FOXK1: variants seen among roughly 807,000 people sequenced by gnomAD.
FOXK1 encodes the protein forkhead box K1.
FOXK1 carries 19 observed loss-of-function variants against 51.9 expected under a neutral mutation model. The observed-to-expected ratio is 0.37, with a 90% CI of 0.26 to 0.54. FOXK1 has a LOEUF of 0.54. Ranked by LOEUF, FOXK1 falls within the 20% of genes least tolerant of loss-of-function variation. FOXK1 has a pLI of 0.87. For synonymous variants in FOXK1, 537 were observed against 482.6 expected, an observed-to-expected ratio of 1.11 and a Z score of -1.48; for missense variants, 870 against 1,032.7, an observed-to-expected ratio of 0.84 and a Z score of 2.16.
chr7:4,724,851 G>T (rs1454395836), intron 1 of FOXK1, among the ~76,000 whole-genome samples: 1 of 152,236 alleles, frequency 6.6e-6, no homozygotes, highest in African/African-American at 2.4e-5. Context: ...CCTCTTCTGA[G>T]ACTCCCACGA....
Position 4,755,175 on chromosome 7 carries a change from G to GT in FOXK1, c.904-61dup. On this transcript the variant is annotated intron_variant, in intron 3 of 8. Transcript: ENST00000328914. The surrounding 1 kb of genome is among the most constrained non-coding windows in gnomAD (Gnocchi z 6.6). The stretch of plus-strand genomic sequence containing the variant: ...GGTTCCTCCCCATCAGCTGTGACGG[G>GT]TGGGTGGGGTAGACTCAGGGACCTT... The GT allele has an allele frequency of 6.3e-7, 1 of 1,585,544 alleles. No homozygotes were observed. The highest frequency in any genetic ancestry group is 8.6e-7 in the Non-Finnish European group (1 of 1,161,540).
Position 4,745,420 on chromosome 7 carries a change from G to A in FOXK1, c.746+4397G>A, listed in dbSNP as rs1021429138. 1.3e-5 allele frequency among the ~76,000 whole-genome samples: 2 copies of A among 152,030 alleles called. No individual in the cohort carries two copies. The highest frequency in any genetic ancestry group is 4.8e-5 in the African/African-American group (2 of 41,398). On this transcript the variant is annotated intron_variant, in intron 2 of 8. Coordinates refer to ENST00000328914, the MANE Select transcript of FOXK1 (RefSeq NM_001037165.2). The surrounding 1 kb of genome is among the most constrained non-coding windows in gnomAD (Gnocchi z 4.3). ...GCGTCCTTCCTTTCCGTTTCTCGCA[G>A]GCCCTCGCTCCTTTTCCCAGGGTGG...
rs970542634 is a variant in FOXK1 at position 4,734,314 on chromosome 7, T to C, written c.561-6524T>C. Among the ~76,000 whole-genome samples the C allele has an allele frequency of 6.6e-6, 1 of 152,178 alleles. No homozygotes were observed. The highest frequency in any genetic ancestry group is 2.4e-5 in the African/African-American group (1 of 41,448). ...ATCCAGCCTCTTCCTTTTGATGTTT[T>C]CTGAGTCACTTTAAACTGTGCAAGA... is the stretch of plus-strand genomic sequence containing the variant. On this transcript the variant is annotated intron_variant, in intron 1 of 8. Coordinates refer to ENST00000328914, the MANE Select transcript of FOXK1 (RefSeq NM_001037165.2). This position sits in a 1 kb window ranked among gnomAD's most constrained non-coding sequence, Gnocchi z 5.2.
At chr7:4,754,788 C>T (rs568683284) in intron 3 of FOXK1, 173 bp downstream of exon 3, 35 of 840,142 alleles carry the variant, frequency 4.2e-5, no homozygotes, top group Admixed American at 5.8e-5. Flanking sequence ...TTCTCGTTTT[C>T]GTGCCCAAAT....
intron 1 of FOXK1, among the ~76,000 whole-genome samples, chr7:4,720,502 T>G (rs561686020): frequency 3.9e-5 from 6 of 152,302 alleles, no homozygotes; most frequent in Admixed American, 1.3e-4. Flanking sequence ...CATTGAGGTT[T>G]CATTTCAGCT....
chr7:4,759,536 CG>C lies in FOXK1; in HGVS notation c.1643del (p.Gly548AlafsTer63). 5 of 1,558,382 alleles carry C rather than the reference CG, an allele frequency of 3.2e-6. No homozygotes were observed. The highest frequency in any genetic ancestry group is 8.6e-7 in the Non-Finnish European group (1 of 1,158,386). On this transcript the variant is annotated frameshift_variant, in exon 7 of 9. Transcript: ENST00000328914. LOFTEE classifies it high-confidence loss of function. The stretch of plus-strand genomic sequence containing the variant: ...TACATCCTCACCAGCCAGGGCGCGG[CG>C]GGGGGCTCCCATGATGCGGCGGGCG... ...NGYILTSQGA[A>X]GGSHDAAGAA...
At position 4,770,522 on chromosome 7, in the gene FOXK1, C is replaced by T. The variant is rs1002963308; in HGVS notation, c.*8058C>T. ...CTCCAGCCTGGGCAACAGAGGGAGACTCTGTCTCAAAAATAATAATCAAAT... is the reference window on the plus strand; with the variant it reads ...CTCCAGCCTGGGCAACAGAGGGAGATTCTGTCTCAAAAATAATAATCAAAT... On this transcript the variant is annotated 3_prime_UTR_variant, in exon 9 of 9. Transcript: ENST00000328914. 3.9e-5 allele frequency: 6 copies of T among 152,042 alleles called. No homozygotes were observed. The highest frequency in any genetic ancestry group is 5.9e-5 in the Non-Finnish European group (4 of 67,976). 9.4% of individuals were successfully genotyped at this position (152,042 alleles called of 1,614,324 possible).
chr7:4,732,375 C>G (rs1780489506), intron 1 of FOXK1, among the ~76,000 whole-genome samples: 1 of 152,226 alleles, frequency 6.6e-6, no homozygotes, highest in African/African-American at 2.4e-5. Context: ...CCACTGCGGC[C>G]TCCGCTGCCC....
chr7:4,687,722 A>G (rs141738428), intron 1 of FOXK1, among the ~76,000 whole-genome samples: 1 of 152,250 alleles, frequency 6.6e-6, no homozygotes, highest in African/African-American at 2.4e-5. Context: ...CTTTCTCTAA[A>G]GCCTTTTCGC....
At position 4,682,905 on chromosome 7, in the gene FOXK1, G is replaced by A. The variant is rs766023068; in HGVS notation, c.560+37G>A. The A allele has an allele frequency of 1.6e-5, 23 of 1,424,616 alleles. No homozygotes were observed. The highest frequency in any genetic ancestry group is 2.1e-5 in the Non-Finnish European group (23 of 1,086,536). 88.2% of individuals were successfully genotyped at this position (1,424,616 alleles called of 1,614,324 possible). A position where few individuals can be genotyped will look rare whatever the true frequency, so the allele number is the denominator to read the frequency against. On this transcript the variant is annotated intron_variant, in intron 1 of 8. Coordinates refer to ENST00000328914, the MANE Select transcript of FOXK1 (RefSeq NM_001037165.2). The surrounding 1 kb of genome is among the most constrained non-coding windows in gnomAD (Gnocchi z 7.6). ...CGCGACCCCCGCCGCCCGCACCCGGGGCTCGCCCACGACCTCGATCTCTGA... is the reference window on the plus strand; with the variant it reads ...CGCGACCCCCGCCGCCCGCACCCGGAGCTCGCCCACGACCTCGATCTCTGA...
At chr7:4,688,125 A>G (rs1189097676) in intron 1 of FOXK1, among the ~76,000 whole-genome samples, 5 of 152,218 alleles carry the variant, frequency 3.3e-5, no homozygotes, top group Non-Finnish European at 2.9e-5. Flanking sequence ...TTCAGCAGCT[A>G]TCATCTTGTG....
chr7:4,696,866 G>A (rs1196801234), intron 1 of FOXK1, among the ~76,000 whole-genome samples: 1 of 152,086 alleles, frequency 6.6e-6, no homozygotes, highest in African/African-American at 2.4e-5. Context: ...CCAGGAGTTC[G>A]AGACCAGCCT....
In FOXK1 at chr7:4,723,603, AC is replaced by A. The variant is rs536761403; in HGVS notation, c.561-17234del. On this transcript the variant is annotated intron_variant, in intron 1 of 8. Coordinates refer to ENST00000328914, the MANE Select transcript of FOXK1 (RefSeq NM_001037165.2). This position sits in a 1 kb window ranked among gnomAD's most constrained non-coding sequence, Gnocchi z 4.7. Reference sequence around the variant, plus strand: ...CTCGCCGTGGTACAATCGCCACGGCACAGGACCGAGCGTGGAGAGTTGCAGC... The same window carrying A: ...CTCGCCGTGGTACAATCGCCACGGCAAGGACCGAGCGTGGAGAGTTGCAGC... 4.8e-4 allele frequency among the ~76,000 whole-genome samples: 73 copies of A among 152,300 alleles called. No homozygotes were observed. Among genetic ancestry groups the A allele is most frequent in the African/African-American group, 1.8e-3 (73 of 41,556 alleles).
In FOXK1 at chr7:4,763,569, A is replaced by AGTGGTGAGCAGGCCT. The variant is rs1384691656; in HGVS notation, c.*1109_*1123dup. 2 of 152,496 alleles carry AGTGGTGAGCAGGCCT rather than the reference A, an allele frequency of 1.3e-5. No homozygotes were observed. Among genetic ancestry groups the AGTGGTGAGCAGGCCT allele is most frequent in the East Asian group, 3.9e-4 (2 of 5,192 alleles). The allele number at this position is 152,496 out of a possible 1,614,324, so 9.4% of individuals were successfully genotyped here. On this transcript the variant is annotated 3_prime_UTR_variant, in exon 9 of 9. Coordinates refer to ENST00000328914, the MANE Select transcript of FOXK1 (RefSeq NM_001037165.2). The stretch of plus-strand genomic sequence containing the variant: ...GAGCAGGAGACCCCACCCCAGCAGC[A>AGTGGTGAGCAGGCCT]GTGGTGAGCAGGCCTGTGCCTCCAC...
intron 2 of FOXK1, among the ~76,000 whole-genome samples, chr7:4,751,722 TCCC>T (rs1780781551): frequency 6.6e-6 from 1 of 152,188 alleles, no homozygotes; most frequent in East Asian, 1.9e-4. Flanking sequence ...ACACATGTGG[TCCC>T]TCAGCCCAGG....
intron 1 of FOXK1, among the ~76,000 whole-genome samples, chr7:4,716,967 C>T (rs555227434): frequency 6.6e-6 from 1 of 150,684 alleles, no homozygotes; most frequent in Non-Finnish European, 1.5e-5. Context: ...GGCTGGGAGG[C>T]GTGTGGCTGG....
rs774055090 is a variant in FOXK1 at position 4,743,613 on chromosome 7, C to T, written c.746+2590C>T. ...ATTGCATCTGAAGAAAGCAGTTGAGCGCAGTATATGTACTTAAGTCTTCAC... is the reference window on the plus strand; with the variant it reads ...ATTGCATCTGAAGAAAGCAGTTGAGTGCAGTATATGTACTTAAGTCTTCAC... On this transcript the variant is annotated intron_variant, in intron 2 of 8. Coordinates refer to ENST00000328914, the MANE Select transcript of FOXK1 (RefSeq NM_001037165.2). This position sits in a 1 kb window ranked among gnomAD's most constrained non-coding sequence, Gnocchi z 5.3. Among the ~76,000 whole-genome samples the T allele has an allele frequency of 1.3e-5, 2 of 152,172 alleles. No individual in the cohort carries two copies. Among genetic ancestry groups the T allele is most frequent in the Admixed American group, 6.5e-5 (1 of 15,280 alleles).
rs776450295 is a variant in FOXK1, at chr7:4,759,230, C to T, written c.1411+13C>T. ...CAAAGCGCACCCGGTAAGGAGCGGG[C>T]GGCCCTCTTGCGGGGCGGGGCGGGG... On this transcript the variant is annotated intron_variant, in intron 6 of 8. Transcript: ENST00000328914. 1.8e-5 allele frequency: 27 copies of T among 1,480,994 alleles called. No homozygotes were observed. In the East Asian group the frequency reaches 3.1e-4, roughly 17 times the overall value. 91.7% of individuals were successfully genotyped at this position (1,480,994 alleles called of 1,614,324 possible).
In FOXK1 at chr7:4,682,692, C is replaced by T; in HGVS notation, c.384C>T (p.Asn128=). 1 of 1,601,420 alleles carries T rather than the reference C, an allele frequency of 6.2e-7. No individual in the cohort carries two copies. The highest frequency in any genetic ancestry group is 8.5e-7 in the Non-Finnish European group (1 of 1,177,512). ...AGCCCAGCGTCACCATCGGCCGCAA[C>T]TCGTCGCAGGGCTCGGTGGACTTGA... ...MRQPSVTIGR[N]SSQGSVDLSM... Residue 128 remains asparagine (N), a synonymous_variant, in exon 1 of 9, where the codon AAC becomes AAT. Coordinates refer to ENST00000328914, the MANE Select transcript of FOXK1 (RefSeq NM_001037165.2). This position sits in a 1 kb window ranked among gnomAD's most constrained non-coding sequence, Gnocchi z 7.6.
Sources: allele counts gnomAD v4.1 joint callset (sites outside exome capture counted in the v4.1 genomes callset), GRCh38; gene constraint gnomAD v4.1.1; non-coding constraint Gnocchi (gnomAD v3.1); transcripts MANE v1.5; gene names NCBI Gene and HGNC (gene_info 2026-07-23, HGNC 2026-07-21).